EFCAB14: variants seen among roughly 807,000 people sequenced by gnomAD.
EFCAB14 encodes the protein EF-hand calcium-binding domain-containing protein 14.
In EFCAB14, 43 loss-of-function variants were observed where a neutral mutation model predicts 56.5. The ratio of observed to expected loss-of-function variants is 0.76; its 90% CI spans 0.60 to 0.98. The LOEUF (loss-of-function observed/expected upper bound fraction) is 0.98, where lower values mean the gene tolerates loss of function less well. EFCAB14 is among the 50% of genes least tolerant of loss of function. The probability of loss-of-function intolerance (pLI) is 0.00; values close to 1 mark genes in which losing one functional copy is unlikely to be tolerated. For missense variants in EFCAB14, 538 were observed against 580.3 expected (o/e 0.93, Z 0.75); for synonymous variants, 235 against 212.9 (o/e 1.10, Z -0.90).
intron 3 of EFCAB14, among the ~76,000 whole-genome samples, chr1:46,701,239 C>T (rs56771521): frequency 0.093 from 14,103 of 152,170 alleles, 1,727 homozygotes; most frequent in East Asian, 0.4. Context: ...CATGCCCTCA[C>T]GGGGCTTTCT....
At chr1:46,691,482 A>G (rs535866062) in intron 5 of EFCAB14, among the ~76,000 whole-genome samples, 2 of 152,328 alleles carry the variant, frequency 1.3e-5, no homozygotes, top group African/African-American at 2.4e-5. Flanking sequence ...TACTTGTTTT[A>G]AGCCACAAAC....
At chr1:46,716,273 A>G (rs966802325) in intron 2 of EFCAB14, 22 bp downstream of exon 2, 42 of 1,516,826 alleles carry the variant, frequency 2.8e-5, no homozygotes, top group African/African-American at 7.3e-5. Flanking sequence ...AAAAAAAAAA[A>G]AGAGAGTAAC....
intron 10 of EFCAB14, among the ~76,000 whole-genome samples, chr1:46,680,446 G>T (rs2148836740): frequency 6.6e-6 from 1 of 152,308 alleles, no homozygotes; most frequent in African/African-American, 2.4e-5. Flanking sequence ...CTAAGTGAAA[G>T]AATCATATTG....
At chr1:46,706,906 G>T (rs535805148) in intron 3 of EFCAB14, among the ~76,000 whole-genome samples, 3 of 152,170 alleles carry the variant, frequency 2.0e-5, no homozygotes, top group African/African-American at 7.2e-5. Context: ...GTATGTATGC[G>T]TTTACTGGGT....
At chr1:46,692,137 C>A in intron 4 of EFCAB14, 200 bp from the exon 5 acceptor site, 1 of 426,410 alleles carries the variant, frequency 2.3e-6, no homozygotes. Context: ...CCTTGCCGAT[C>A]GTTCCCAGGC....
chr1:46,683,257 A>G (rs905332982), intron 10 of EFCAB14, 43 bp downstream of exon 10: 5 of 1,590,364 alleles, frequency 3.1e-6, no homozygotes, highest in Middle Eastern at 1.7e-4. Flanking sequence ...AAAAGTTATT[A>G]CTTTGAACAT....
At chr1:46,714,180 T>C (rs1167946511) in intron 2 of EFCAB14, among the ~76,000 whole-genome samples, 3 of 152,114 alleles carry the variant, frequency 2.0e-5, no homozygotes, top group East Asian at 1.9e-4. Flanking sequence ...CCAAGAGAAG[T>C]TGGGATATTG....
intron 10 of EFCAB14, among the ~76,000 whole-genome samples, 164 bp from the exon 11 acceptor site, chr1:46,678,800 T>C (rs1171665308): frequency 6.6e-6 from 1 of 150,574 alleles, no homozygotes; most frequent in East Asian, 2.0e-4. Context: ...AGACTAATTT[T>C]TGATCCCTTA....
intron 2 of EFCAB14, among the ~76,000 whole-genome samples, chr1:46,715,719 T>C (rs1054687856): frequency 6.6e-6 from 1 of 152,030 alleles, no homozygotes; most frequent in African/African-American, 2.4e-5. Context: ...CGCTAAGCAT[T>C]GACTGCAATG....
In EFCAB14 at chr1:46,718,973, C is replaced by T. The variant is rs1677443772; in HGVS notation, c.-886G>A. ...CGGCCACTCACACGCGCAGGCCCCACTCCAGCCGCGACTCCGGCCCCTGCT... is the reference window on the plus strand; with the variant it reads ...CGGCCACTCACACGCGCAGGCCCCATTCCAGCCGCGACTCCGGCCCCTGCT... On this transcript the variant is annotated 5_prime_UTR_variant, in exon 1 of 11. In the 5' UTR this introduces an upstream ATG that the reference lacks. Transcript: ENST00000371933. 1 of 153,554 alleles carries T rather than the reference C, an allele frequency of 6.5e-6. No individual in the cohort carries two copies. The highest frequency in any genetic ancestry group is 6.5e-5 in the Admixed American group (1 of 15,316). The allele number at this position is 153,554 out of a possible 1,614,324, so 9.5% of individuals were successfully genotyped here. A position where few individuals can be genotyped will look rare whatever the true frequency, so the allele number is the denominator to read the frequency against.
intron 3 of EFCAB14, among the ~76,000 whole-genome samples, chr1:46,706,621 G>T (rs778949893): frequency 7.9e-5 from 12 of 152,130 alleles, no homozygotes; most frequent in Non-Finnish European, 1.8e-4. Flanking sequence ...CTTCAATGTG[G>T]TCTACTTTCA....
chr1:46,698,528 G>C (rs1677108341), intron 3 of EFCAB14, among the ~76,000 whole-genome samples: 1 of 152,188 alleles, frequency 6.6e-6, no homozygotes, highest in East Asian at 1.9e-4. Flanking sequence ...TGATCGGTCT[G>C]AGGAGGCCTC....
intron 2 of EFCAB14, among the ~76,000 whole-genome samples, chr1:46,714,408 A>T (rs1677354935): frequency 6.6e-6 from 1 of 151,028 alleles, no homozygotes; most frequent in Non-Finnish European, 1.5e-5. Context: ...TTAAACCTAG[A>T]GCCAAAAGTT....
In EFCAB14 at chr1:46,718,492, G is replaced by A. The variant is rs1347763909; in HGVS notation, c.-405C>T. 1.3e-5 allele frequency: 2 copies of A among 155,716 alleles called. No homozygotes were observed. The highest frequency in any genetic ancestry group is 2.8e-5 in the Non-Finnish European group (2 of 70,392). 9.6% of individuals were successfully genotyped at this position (155,716 alleles called of 1,614,324 possible). ...TGCTCCAGGAGGTGAGGAAGGGCAC[G>A]CTTAAAATACGTGTTTCGGACCTCC... On this transcript the variant is annotated 5_prime_UTR_variant, in exon 1 of 11. Transcript: ENST00000371933.
In EFCAB14 at chr1:46,677,638, C is replaced by T. The variant is rs961133605; in HGVS notation, c.*823G>A. The T allele has an allele frequency of 5.3e-5, 8 of 151,866 alleles. No homozygotes were observed. Among genetic ancestry groups the T allele is most frequent in the African/African-American group, 1.9e-4 (8 of 41,324 alleles). 9.4% of individuals were successfully genotyped at this position (151,866 alleles called of 1,614,324 possible). On this transcript the variant is annotated 3_prime_UTR_variant, in exon 11 of 11. Transcript: ENST00000371933. Reference sequence around the variant, plus strand: ...CACTCAGCAGGGAAAATGGAGCTCCCCAATGGATAACTTTTTATGCTCATA... The same window carrying T: ...CACTCAGCAGGGAAAATGGAGCTCCTCAATGGATAACTTTTTATGCTCATA...
chr1:46,710,493 T>A (rs1352183524), intron 2 of EFCAB14, among the ~76,000 whole-genome samples: 1 of 152,228 alleles, frequency 6.6e-6, no homozygotes, highest in Non-Finnish European at 1.5e-5. Flanking sequence ...CTTCCCCTAT[T>A]CTTCTCAGTC....
At chr1:46,711,890 C>T (rs750199668) in intron 2 of EFCAB14, among the ~76,000 whole-genome samples, 23 of 152,100 alleles carry the variant, frequency 1.5e-4, no homozygotes, top group African/African-American at 3.9e-4. Context: ...ATCCCTGCAC[C>T]GGCACTAGTA....
intron 3 of EFCAB14, among the ~76,000 whole-genome samples, chr1:46,705,041 A>T (rs1397916352): frequency 6.6e-6 from 1 of 152,216 alleles, no homozygotes; most frequent in African/African-American, 2.4e-5. Flanking sequence ...AGTGACAGTT[A>T]TGTTTAGATA....
Position 46,691,861 on chromosome 1 carries a change from T to A in EFCAB14, c.656A>T (p.His219Leu). The A allele has an allele frequency of 2.5e-6, 4 of 1,613,654 alleles. No individual in the cohort carries two copies. Among genetic ancestry groups the A allele is most frequent in the Non-Finnish European group, 3.4e-6 (4 of 1,179,746 alleles). Residue 219 changes from histidine to leucine, a missense_variant, in exon 5 of 11, where the codon CAC becomes CTC. By Grantham distance (99) the His-to-Leu change is moderately conservative (BLOSUM62 -3). Coordinates refer to ENST00000371933, the MANE Select transcript of EFCAB14 (RefSeq NM_014774.3). ...VEALQKTVDE[H>L]KKTMELLQSD... Reference sequence around the variant, plus strand: ...CTGCAGTAATTCCATCGTTTTCTTGTGTTCATCCACAGTTTTCTGTAGTGC... The same window carrying A: ...CTGCAGTAATTCCATCGTTTTCTTGAGTTCATCCACAGTTTTCTGTAGTGC...
Sources: gnomAD v4.1 joint callset for allele counts (sites outside exome capture counted in the v4.1 genomes callset) on GRCh38, gnomAD v4.1.1 for gene constraint, MANE v1.5 for transcripts, NCBI Gene and HGNC (gene_info 2026-07-23, HGNC 2026-07-21) for gene names.